DMD: variants seen among roughly 807,000 people sequenced by gnomAD.
DMD encodes the protein dystrophin, also known as mutant dystrophin.
DMD carries 63 observed loss-of-function variants against 330.1 expected under a neutral mutation model. That is an observed-to-expected ratio of 0.19 (90% CI 0.16 to 0.24). DMD has a LOEUF of 0.24. Ranked by LOEUF, DMD falls within the 10% of genes least tolerant of loss-of-function variation. The pLI, the probability that DMD is intolerant of heterozygous loss-of-function variation, is 1.00. For missense variants in DMD, 3,344 were observed against 2,684.1 expected (o/e 1.25, Z -5.43); for synonymous variants, 1,223 against 959.8 (o/e 1.27, Z -5.07).
intron 1 of DMD, among the ~76,000 whole-genome samples, chrX:33,103,458 T>C (rs1373108396): frequency 2.7e-5 from 3 of 110,909 alleles, no homozygotes; most frequent in Non-Finnish European, 5.7e-5. Context: ...CTGATGACAT[T>C]ACCTTGTGAA....
At chrX:31,667,244 A>C (rs2081482011) in intron 53 of DMD, among the ~76,000 whole-genome samples, 1 of 111,990 alleles carries the variant, frequency 8.9e-6, no homozygotes, top group Non-Finnish European at 1.9e-5. Context: ...CTCATGTTAC[A>C]GTGCATATCA....
At chrX:32,722,274 T>C (rs2066406479) in intron 7 of DMD, among the ~76,000 whole-genome samples, 1 of 110,508 alleles carries the variant, frequency 9.0e-6, no homozygotes, top group Non-Finnish European at 1.9e-5. Context: ...TAATCAAAAA[T>C]AGAACAAAAA....
intron 2 of DMD, among the ~76,000 whole-genome samples, chrX:32,929,736 A>G (rs1181213323): frequency 9.1e-6 from 1 of 110,017 alleles, no homozygotes; most frequent in Non-Finnish European, 1.9e-5. Flanking sequence ...TGACAGGCCC[A>G]GGTGTGTGAT....
At chrX:32,398,257 T>A in intron 30 of DMD, among the ~76,000 whole-genome samples, 1 of 89,098 alleles carries the variant, frequency 1.1e-5, no homozygotes, top group East Asian at 3.0e-4. Context: ...ACTACTCTTT[T>A]TTTAAACCCC....
At chrX:33,151,740 T>C (rs191457539) in intron 1 of DMD, among the ~76,000 whole-genome samples, 294 of 111,696 alleles carry the variant, frequency 2.6e-3, no homozygotes, top group African/African-American at 8.9e-3. Flanking sequence ...AATAAAGCAG[T>C]TTAAAAAACT....
Position 31,931,991 on chromosome X carries a change from G to A in DMD, c.6762+89C>T. The A allele has an allele frequency of 3.8e-6, 4 of 1,044,853 alleles. No homozygotes were observed. In the East Asian group the frequency reaches 1.2e-4, roughly 32 times the overall value. The allele number at this position is 1,044,853 out of a possible 1,213,427, so 86.1% of individuals were successfully genotyped here. On this transcript the variant is annotated intron_variant, in intron 46 of 78. Transcript: ENST00000357033. Reference sequence around the variant, plus strand: ...AGCAAGGAACTATGAATAACCTAATGGGCAGAAAACCAATGATTGAATTAA... The same window carrying A: ...AGCAAGGAACTATGAATAACCTAATAGGCAGAAAACCAATGATTGAATTAA...
chrX:32,563,619 G>A (rs1365960447), intron 16 of DMD, among the ~76,000 whole-genome samples: 1 of 111,443 alleles, frequency 9.0e-6, no homozygotes, highest in Non-Finnish European at 1.9e-5. Context: ...CAATTGCCTA[G>A]GTGGTGGTCT....
chrX:31,382,968 C>T, intron 60 of DMD, among the ~76,000 whole-genome samples: 1 of 112,331 alleles, frequency 8.9e-6, no homozygotes, highest in Non-Finnish European at 1.9e-5. Flanking sequence ...GTGACCTACA[C>T]ATATACATCC....
intron 51 of DMD, among the ~76,000 whole-genome samples, chrX:31,732,787 T>C (rs1167436818): frequency 8.9e-6 from 1 of 111,795 alleles, no homozygotes; most frequent in Non-Finnish European, 1.9e-5. Flanking sequence ...CATCCTCATA[T>C]GACCTCTGGT....
intron 54 of DMD, among the ~76,000 whole-genome samples, chrX:31,635,969 C>T (rs188324106): frequency 9.0e-6 from 1 of 111,343 alleles, no homozygotes; most frequent in East Asian, 2.8e-4. Context: ...GGAGAAAAAG[C>T]ATTGCTTATA....
At chrX:31,569,641 T>TATACGTATATACAC (rs771071830) in intron 55 of DMD, among the ~76,000 whole-genome samples, 13 of 82,808 alleles carry the variant, frequency 1.6e-4, no homozygotes, top group African/African-American at 4.4e-4. Flanking sequence ...CGTATATATA[T>TATACGTATATACAC]GTATATACGT....
intron 63 of DMD, among the ~76,000 whole-genome samples, chrX:31,228,112 T>TC (rs1286655591): frequency 2.5e-5 from 1 of 40,390 alleles, no homozygotes; most frequent in Non-Finnish European, 4.5e-5. Flanking sequence ...TGTGGTGGGG[T>TC]GGGGGGAGTG....
intron 59 of DMD, among the ~76,000 whole-genome samples, chrX:31,476,397 G>GTGTGTATATA (rs796082098): frequency 1.1e-5 from 1 of 88,336 alleles, no homozygotes; most frequent in Admixed American, 1.3e-4. Flanking sequence ...GTGTGTGTGT[G>GTGTGTATATA]TATATATATA....
chrX:31,443,631 C>T, intron 60 of DMD, among the ~76,000 whole-genome samples: 1 of 109,735 alleles, frequency 9.1e-6, no homozygotes, highest in Middle Eastern at 4.8e-3. Flanking sequence ...TGACCTTGAG[C>T]AGCACACTTA....
At position 32,315,553 on chromosome X, in the gene DMD, A is replaced by C. The variant is rs181764250; in HGVS notation, c.5923-5277T>G. Reference sequence around the variant, plus strand: ...AAAAATCATTCAGTGACACTGGATAAAATAAAAATTAGATTCACTTAGAAA... The same window carrying C: ...AAAAATCATTCAGTGACACTGGATACAATAAAAATTAGATTCACTTAGAAA... On this transcript the variant is annotated intron_variant, in intron 41 of 78. Transcript: ENST00000357033. Among the ~76,000 whole-genome samples, 462 of 111,191 alleles carry C rather than the reference A, an allele frequency of 4.2e-3. 1 individual carries two copies. The highest frequency in any genetic ancestry group is 0.014 in the African/African-American group (433 of 30,590).
chrX:32,033,677 GA>G (rs2095913434), intron 44 of DMD, among the ~76,000 whole-genome samples: 2 of 84,317 alleles, frequency 2.4e-5, no homozygotes, highest in Admixed American at 1.2e-4. Flanking sequence ...AGAAAGGAAG[GA>G]AAGAAAGAAA....
intron 1 of DMD, among the ~76,000 whole-genome samples, chrX:33,280,404 G>T (rs142306849): frequency 0.022 from 2,468 of 112,024 alleles, 63 homozygotes; most frequent in African/African-American, 0.075. Context: ...ACACTTTAAC[G>T]TTAGATCCCA....
intron 21 of DMD, among the ~76,000 whole-genome samples, chrX:32,476,232 A>C (rs541646594): frequency 4.0e-4 from 45 of 111,347 alleles, no homozygotes; most frequent in African/African-American, 1.2e-3. Context: ...CAGTCTCTGA[A>C]TTATTGATCT....
intron 17 of DMD, among the ~76,000 whole-genome samples, chrX:32,526,368 A>T (rs1015610281): frequency 3.6e-5 from 4 of 111,891 alleles, no homozygotes; most frequent in African/African-American, 1.3e-4. Context: ...ACTCATCAGA[A>T]ACCCCTGAAA....
Sources: allele counts gnomAD v4.1 joint callset (sites outside exome capture counted in the v4.1 genomes callset), GRCh38; gene constraint gnomAD v4.1.1; transcripts MANE v1.5; gene names NCBI Gene and HGNC (gene_info 2026-07-23, HGNC 2026-07-21).